ITGB3BP: variants seen among roughly 807,000 people sequenced by gnomAD.
The protein encoded by ITGB3BP is integrin subunit beta 3 binding protein, also known as centromere protein R.
ITGB3BP carries 27 observed loss-of-function variants against 29.1 expected under a neutral mutation model. The ratio of observed to expected loss-of-function variants is 0.93; its 90% CI spans 0.68 to 1.28. ITGB3BP has a LOEUF of 1.28. Ranked by LOEUF, ITGB3BP falls within the 50% of genes most tolerant of loss-of-function variation. The pLI, the probability that ITGB3BP is intolerant of heterozygous loss-of-function variation, is 0.00. For missense variants in ITGB3BP, 192 were observed against 200.2 expected (o/e 0.96, Z 0.25); for synonymous variants, 61 against 61.4 (o/e 0.99, Z 0.03).
chr1:63,514,959 A>G (rs993964540), intron 1 of ITGB3BP, among the ~76,000 whole-genome samples: 8 of 151,790 alleles, frequency 5.3e-5, no homozygotes, highest in African/African-American at 1.2e-4. Context: ...AAAAAAAAAA[A>G]AAAAAGAAAA....
At chr1:63,463,692 C>T (rs764181853) in intron 4 of ITGB3BP, among the ~76,000 whole-genome samples, 2 of 152,122 alleles carry the variant, frequency 1.3e-5, no homozygotes, top group Non-Finnish European at 2.9e-5. Flanking sequence ...CCTTGCAAAA[C>T]ATAAAGGATA....
intron 3 of ITGB3BP, among the ~76,000 whole-genome samples, chr1:63,488,782 G>GT (rs1459717522): frequency 5.9e-5 from 9 of 152,046 alleles, no homozygotes; most frequent in African/African-American, 2.2e-4. Flanking sequence ...TAACCACTAT[G>GT]TAGGTCAAAA....
chr1:63,453,847 G>A lies in ITGB3BP; in HGVS notation c.484+71C>T, dbSNP rs529291827. 1.2e-3 allele frequency: 1,059 copies of A among 847,648 alleles called. 3 individuals carry two copies. The highest frequency in any genetic ancestry group is 1.8e-3 in the Non-Finnish European group (924 of 501,728). The allele number at this position is 847,648 out of a possible 1,614,324, so 52.5% of individuals were successfully genotyped here. A position where few individuals can be genotyped will look rare whatever the true frequency, so the allele number is the denominator to read the frequency against. On this transcript the variant is annotated intron_variant, in intron 7 of 8. Coordinates refer to ENST00000271002, the MANE Select transcript of ITGB3BP (RefSeq NM_014288.5). ...AAGAAAACCACTAAAAAGGATTCAT[G>A]ATGATTAGTTTTAATTGGCAAAATG...
At chr1:63,464,696 A>G (rs1414577220) in intron 4 of ITGB3BP, among the ~76,000 whole-genome samples, 4 of 152,328 alleles carry the variant, frequency 2.6e-5, no homozygotes, top group Middle Eastern at 3.4e-3. Context: ...GAAAATGATT[A>G]CTTTTAATAT....
Position 63,454,295 on chromosome 1 carries a change from A to G in ITGB3BP, c.427+85T>C. ...TATCACATGTCCAGTAATGGTATATATAAAGAAGTCTATCAAATGTAAATG... is the reference window on the plus strand; with the variant it reads ...TATCACATGTCCAGTAATGGTATATGTAAAGAAGTCTATCAAATGTAAATG... On this transcript the variant is annotated intron_variant, in intron 6 of 8. Coordinates refer to ENST00000271002, the MANE Select transcript of ITGB3BP (RefSeq NM_014288.5). This position sits in a 1 kb window ranked among gnomAD's most constrained non-coding sequence, Gnocchi z 4.1. 1 of 652,488 alleles carries G rather than the reference A, an allele frequency of 1.5e-6. No homozygotes were observed. 40.4% of individuals were successfully genotyped at this position (652,488 alleles called of 1,614,324 possible). A position where few individuals can be genotyped will look rare whatever the true frequency, so the allele number is the denominator to read the frequency against.
chr1:63,505,796 T>C (rs532745094), intron 2 of ITGB3BP, among the ~76,000 whole-genome samples: 1 of 152,328 alleles, frequency 6.6e-6, no homozygotes, highest in East Asian at 1.9e-4. Context: ...AGGAGCAGGT[T>C]GTTCAGTTTC....
At position 63,469,304 on chromosome 1, in the gene ITGB3BP, T is replaced by C. The variant is rs561354172; in HGVS notation, c.254+9460A>G. 2.8e-4 allele frequency among the ~76,000 whole-genome samples: 42 copies of C among 152,094 alleles called. No individual in the cohort carries two copies. The South Asian group carries it at 8.3e-3, about 30-fold the overall frequency. On this transcript the variant is annotated intron_variant, in intron 4 of 8. Transcript: ENST00000271002. The stretch of plus-strand genomic sequence containing the variant: ...AGATATCTCCTTTACTTATACCTAC[T>C]TGACCATAAATTATTATTATTATTA...
chr1:63,482,930 C>G (rs1243551499), intron 3 of ITGB3BP, among the ~76,000 whole-genome samples: 1 of 152,158 alleles, frequency 6.6e-6, no homozygotes, highest in Non-Finnish European at 1.5e-5. Flanking sequence ...CTGGGATTTA[C>G]AGGCATGAGC....
At chr1:63,478,312 C>A (rs1255646245) in intron 4 of ITGB3BP, among the ~76,000 whole-genome samples, 6 of 152,184 alleles carry the variant, frequency 3.9e-5, no homozygotes, top group East Asian at 1.9e-4. Flanking sequence ...TTCAAAGGAA[C>A]CACCAGCAGG....
At chr1:63,449,005 ATT>A (rs562436878) in intron 7 of ITGB3BP, among the ~76,000 whole-genome samples, 9 of 152,112 alleles carry the variant, frequency 5.9e-5, no homozygotes, top group Non-Finnish European at 1.0e-4. Flanking sequence ...AGAAAATAAA[ATT>A]TGTTTCTGTA....
upstream of ITGB3BP, among the ~76,000 whole-genome samples, chr1:63,526,687 A>G (rs1180352621): frequency 2.0e-5 from 3 of 152,266 alleles, no homozygotes; most frequent in African/African-American, 4.8e-5. Context: ...ATAATTTTAA[A>G]ATTACTAAAA....
At chr1:63,445,085 G>C (rs1644774363) in intron 8 of ITGB3BP, among the ~76,000 whole-genome samples, 1 of 152,066 alleles carries the variant, frequency 6.6e-6, no homozygotes, top group Non-Finnish European at 1.5e-5. Context: ...AGGAGTTCAA[G>C]ACCAGCCTGG....
In ITGB3BP at chr1:63,482,270, C is replaced by CAAAAAAA. The variant is rs376500389; in HGVS notation, c.185-3444_185-3438dup. On this transcript the variant is annotated intron_variant, in intron 3 of 8. Coordinates refer to ENST00000271002, the MANE Select transcript of ITGB3BP (RefSeq NM_014288.5). ...CCTGGGTGACAGAGTGACTCCATCT[C>CAAAAAAA]AAAAAAAAAAAAAAAAAAAAAAAGA... Among the ~76,000 whole-genome samples, 107 of 59,316 alleles carry CAAAAAAA rather than the reference C, an allele frequency of 1.8e-3. 7 individuals carry two copies. Among genetic ancestry groups the CAAAAAAA allele is most frequent in the Non-Finnish European group, 2.4e-3 (85 of 35,006 alleles). 38.9% of individuals were successfully genotyped at this position (59,316 alleles called of 152,430 possible).
chr1:63,502,382 G>A (rs967269583), intron 2 of ITGB3BP, among the ~76,000 whole-genome samples: 2 of 152,216 alleles, frequency 1.3e-5, no homozygotes, highest in South Asian at 2.1e-4. Flanking sequence ...ATTAGAAGAG[G>A]TATATTAGTC....
chr1:63,525,142 T>C (rs1646563810), upstream of ITGB3BP, among the ~76,000 whole-genome samples: 1 of 152,204 alleles, frequency 6.6e-6, no homozygotes, highest in Non-Finnish European at 1.5e-5. Flanking sequence ...TTGTATATGC[T>C]TCACATGTAT....
At chr1:63,492,189 CTGTG>C (rs10610086) in intron 2 of ITGB3BP, among the ~76,000 whole-genome samples, 56,079 of 148,534 alleles carry the variant, frequency 0.38, 10,559 homozygotes, top group South Asian at 0.54. Context: ...TGCATGTGCT[CTGTG>C]TGTGTGTGTG....
chr1:63,514,111 G>A (rs991626281), intron 1 of ITGB3BP, among the ~76,000 whole-genome samples: 2 of 152,096 alleles, frequency 1.3e-5, no homozygotes, highest in African/African-American at 4.8e-5. Flanking sequence ...GCCTATTCTA[G>A]AATTTCATAT....
In ITGB3BP at chr1:63,458,642, A is replaced by T. The variant is rs116320384; in HGVS notation, c.255-3674T>A. Among the ~76,000 whole-genome samples the T allele has an allele frequency of 8.7e-3, 1,329 of 152,228 alleles. 15 individuals are homozygous for T. Among genetic ancestry groups the T allele is most frequent in the African/African-American group, 0.024 (980 of 41,524 alleles). On this transcript the variant is annotated intron_variant, in intron 4 of 8. Coordinates refer to ENST00000271002, the MANE Select transcript of ITGB3BP (RefSeq NM_014288.5). ...AAAAGCCATGATAATGGCCTGAAAA[A>T]ATTTTTGATTTCCCTCCTTTTTTGT...
chr1:63,447,821 A>G (rs1403510596), intron 7 of ITGB3BP: 26 of 345,094 alleles, frequency 7.5e-5, no homozygotes, highest in Middle Eastern at 1.0e-3. Flanking sequence ...CAGCCATCCC[A>G]TTACTGGGTA....
Sources: gnomAD v4.1 joint callset for allele counts (sites outside exome capture counted in the v4.1 genomes callset) on GRCh38, gnomAD v4.1.1 for gene constraint, Gnocchi (gnomAD v3.1) non-coding constraint, MANE v1.5 for transcripts, NCBI Gene and HGNC (gene_info 2026-07-23, HGNC 2026-07-21) for gene names.